Variants in KIF16B observed in about 807,000 individuals in gnomAD.
The protein encoded by KIF16B is kinesin family member 16B.
In KIF16B, 98 loss-of-function variants were observed where a neutral mutation model predicts 156.3. The ratio of observed to expected loss-of-function variants is 0.63; its 90% CI spans 0.53 to 0.74. KIF16B has a LOEUF of 0.74. KIF16B is among the 30% of genes least tolerant of loss of function. The pLI is 0.00. For missense variants in KIF16B, 1,421 were observed against 1,606.5 expected (o/e 0.88, Z 1.97); for synonymous variants, 564 against 583.7 (o/e 0.97, Z 0.49).
intron 25 of KIF16B, among the ~76,000 whole-genome samples, chr20:16,305,487 G>A (rs752242631): frequency 2.0e-5 from 3 of 151,958 alleles, no homozygotes; most frequent in Non-Finnish European, 4.4e-5. Flanking sequence ...GTAATTTCAG[G>A]GTAACTGGAA....
chr20:16,398,721 G>C (rs192579071), intron 17 of KIF16B, among the ~76,000 whole-genome samples: 1 of 152,166 alleles, frequency 6.6e-6, no homozygotes. Context: ...AGTGCTAGGA[G>C]GACAAAGTAC....
At chr20:16,551,048 G>A (rs955686864) in intron 1 of KIF16B, among the ~76,000 whole-genome samples, 1 of 151,948 alleles carries the variant, frequency 6.6e-6, no homozygotes, top group East Asian at 1.9e-4. Context: ...ACCCAGCTAG[G>A]AGCACATTAG....
intron 24 of KIF16B, among the ~76,000 whole-genome samples, chr20:16,315,160 A>G (rs2063679037): frequency 1.3e-5 from 2 of 152,180 alleles, no homozygotes; most frequent in South Asian, 4.1e-4. Context: ...ATCTCCTGCT[A>G]GTCAACAGTG....
intron 24 of KIF16B, among the ~76,000 whole-genome samples, chr20:16,333,857 T>C (rs2063990579): frequency 6.6e-6 from 1 of 152,218 alleles, no homozygotes; most frequent in South Asian, 2.1e-4. Flanking sequence ...AACAACCTTG[T>C]ACTAAAGTGT....
At chr20:16,508,177 A>G in intron 6 of KIF16B, 77 bp from the exon 7 acceptor site, 2 of 1,509,996 alleles carry the variant, frequency 1.3e-6, no homozygotes, top group Non-Finnish European at 1.8e-6. Flanking sequence ...CCTCTATGAA[A>G]TAATACACAA....
At position 16,431,670 on chromosome 20, in the gene KIF16B, A is replaced by C. The variant is rs557765280; in HGVS notation, c.1303-1688T>G. 2.0e-5 allele frequency among the ~76,000 whole-genome samples: 3 copies of C among 152,124 alleles called. No homozygotes were observed. In the South Asian group the frequency reaches 6.2e-4, roughly 32 times the overall value. ...CCTCTACCCAATAGATGCTAGCAAC[A>C]CATCTGAGGTTCTGACAACCAAAAA... On this transcript the variant is annotated intron_variant, in intron 12 of 25. Transcript: ENST00000354981.
At chr20:16,522,234 G>A (rs1414605686) in intron 3 of KIF16B, among the ~76,000 whole-genome samples, 3 of 152,076 alleles carry the variant, frequency 2.0e-5, no homozygotes, top group Admixed American at 6.6e-5. Flanking sequence ...TGGCAAATTA[G>A]ATAGAGTCAA....
At chr20:16,290,689 T>A (rs1390027835) in intron 25 of KIF16B, among the ~76,000 whole-genome samples, 5 of 152,130 alleles carry the variant, frequency 3.3e-5, no homozygotes, top group African/African-American at 1.2e-4. Flanking sequence ...GCCCTAGGTG[T>A]GATGAGGACT....
intron 6 of KIF16B, among the ~76,000 whole-genome samples, chr20:16,510,369 G>A (rs2068918595): frequency 6.6e-6 from 1 of 152,138 alleles, no homozygotes; most frequent in African/African-American, 2.4e-5. Flanking sequence ...AAATACAGAT[G>A]GGCCGGGCGT....
At chr20:16,348,387 T>G (rs751044810) in intron 23 of KIF16B, among the ~76,000 whole-genome samples, 4 of 152,230 alleles carry the variant, frequency 2.6e-5, no homozygotes, top group Non-Finnish European at 5.9e-5. Flanking sequence ...GGGCAAGTCA[T>G]TCATAATTTC....
intron 11 of KIF16B, among the ~76,000 whole-genome samples, chr20:16,495,456 T>C (rs1205400254): frequency 6.6e-6 from 1 of 152,210 alleles, no homozygotes; most frequent in South Asian, 2.1e-4. Flanking sequence ...TGATGGTTTA[T>C]CCAAGAGGAA....
intron 23 of KIF16B, among the ~76,000 whole-genome samples, chr20:16,337,589 G>C (rs764455897): frequency 6.6e-6 from 1 of 152,164 alleles, no homozygotes; most frequent in Non-Finnish European, 1.5e-5. Context: ...CAAGAGTGGA[G>C]GTGCTCTGCA....
intron 25 of KIF16B, among the ~76,000 whole-genome samples, chr20:16,287,055 T>C (rs2063233219): frequency 6.6e-6 from 1 of 152,174 alleles, no homozygotes; most frequent in Admixed American, 6.5e-5. Flanking sequence ...AACCAAATAA[T>C]GATAAGCAAT....
At chr20:16,293,477 G>A (rs748949726) in intron 25 of KIF16B, among the ~76,000 whole-genome samples, 6 of 152,266 alleles carry the variant, frequency 3.9e-5, no homozygotes, top group Non-Finnish European at 8.8e-5. Flanking sequence ...GTACATGAAG[G>A]CATTTTCAGA....
At chr20:16,403,403 A>G (rs1319342576) in intron 17 of KIF16B, among the ~76,000 whole-genome samples, 2 of 152,250 alleles carry the variant, frequency 1.3e-5, no homozygotes, top group East Asian at 3.8e-4. Context: ...TGAAGTACTT[A>G]CCATTTAGTT....
intron 17 of KIF16B, among the ~76,000 whole-genome samples, chr20:16,387,175 A>T (rs1406883455): frequency 1.3e-5 from 2 of 152,184 alleles, no homozygotes; most frequent in African/African-American, 4.8e-5. Context: ...GAAGTAAAAG[A>T]GTCAGGAACA....
chr20:16,416,857 G>A (rs1432726903), intron 15 of KIF16B, among the ~76,000 whole-genome samples: 1 of 152,048 alleles, frequency 6.6e-6, no homozygotes, highest in East Asian at 1.9e-4. Flanking sequence ...AGCCAAAAGT[G>A]GACAAGTGCA....
At chr20:16,309,096 T>G (rs1019917603) in intron 25 of KIF16B, among the ~76,000 whole-genome samples, 7 of 152,034 alleles carry the variant, frequency 4.6e-5, no homozygotes, top group Non-Finnish European at 7.4e-5. Flanking sequence ...TGTAGGGAGA[T>G]CTACCCACAT....
In KIF16B at chr20:16,273,912, T is replaced by C. The variant is rs146259753; in HGVS notation, c.3796-501A>G. Among the ~76,000 whole-genome samples the C allele has an allele frequency of 7.5e-3, 1,139 of 152,256 alleles. 5 individuals are homozygous for C. The highest frequency in any genetic ancestry group is 0.034 in the Middle Eastern group (10 of 294). ...AATATCTTTGGCTCAGCACTGATTC[T>C]GGGCAGCACTGTCTCAGATCTACAG... On this transcript the variant is annotated intron_variant, in intron 25 of 25. Coordinates refer to ENST00000354981, the MANE Select transcript of KIF16B (RefSeq NM_024704.5).
Sources: allele counts gnomAD v4.1 joint callset (sites outside exome capture counted in the v4.1 genomes callset), GRCh38; gene constraint gnomAD v4.1.1; transcripts MANE v1.5; gene names NCBI Gene and HGNC (gene_info 2026-07-23, HGNC 2026-07-21).